The following WDR44 variants were observed in gnomAD, a reference collection of about 807,000 sequenced individuals.
The protein encoded by WDR44 is WD repeat domain 44.
In WDR44, 9 loss-of-function variants were observed where a neutral mutation model predicts 65.7. The observed-to-expected ratio is 0.14, with a 90% CI of 0.08 to 0.24. The LOEUF is 0.24. Ranked by LOEUF, WDR44 falls within the 10% of genes least tolerant of loss-of-function variation. The pLI is 1.00. For missense variants in WDR44, 425 were observed against 670.9 expected, an observed-to-expected ratio of 0.63 and a Z score of 4.05; for synonymous variants, 220 against 235.2, an observed-to-expected ratio of 0.94 and a Z score of 0.59.
At chrX:118,366,955 G>A (rs1456767311) in intron 1 of WDR44, among the ~76,000 whole-genome samples, 6 of 110,785 alleles carry the variant, frequency 5.4e-5, no homozygotes, top group Non-Finnish European at 9.5e-5. Flanking sequence ...GCGCAGTGGC[G>A]GGCGCCCGTA....
chrX:118,379,241 A>G (rs1336454252), intron 2 of WDR44, among the ~76,000 whole-genome samples: 1 of 111,174 alleles, frequency 9.0e-6, no homozygotes, highest in Non-Finnish European at 1.9e-5. Context: ...AAATGGAACT[A>G]TTTATATCAG....
chrX:118,429,131 T>C (rs766079407), intron 12 of WDR44, among the ~76,000 whole-genome samples: 5 of 110,738 alleles, frequency 4.5e-5, no homozygotes, highest in Non-Finnish European at 9.4e-5. Context: ...GGTTGATAAG[T>C]GCAGCAAACC....
chrX:118,409,889 TC>T (rs1395371936), intron 11 of WDR44, among the ~76,000 whole-genome samples: 1 of 112,280 alleles, frequency 8.9e-6, no homozygotes, highest in Non-Finnish European at 1.9e-5. Context: ...TTTGGTTTCC[TC>T]TGGCAACCTT....
intron 12 of WDR44, among the ~76,000 whole-genome samples, chrX:118,424,756 G>A (rs1222029201): frequency 9.0e-6 from 1 of 111,049 alleles, no homozygotes; most frequent in Non-Finnish European, 1.9e-5. Flanking sequence ...TTGGTGTGGT[G>A]TCATATCCAA....
At chrX:118,367,864 CTTTTAGGA>C (rs1281644359) in intron 1 of WDR44, among the ~76,000 whole-genome samples, 2 of 110,775 alleles carry the variant, frequency 1.8e-5, no homozygotes, top group Non-Finnish European at 3.8e-5. Context: ...TTTTAAAATC[CTTTTAGGA>C]TTTTGAAAAG....
rs2056834124 is a variant in WDR44 at position 118,393,091 on chromosome X, A to G, written c.646A>G (p.Arg216Gly). 1 of 1,212,184 alleles carries G rather than the reference A, an allele frequency of 8.2e-7. No individual in the cohort carries two copies. Among genetic ancestry groups the G allele is most frequent in the Non-Finnish European group, 1.1e-6 (1 of 895,608 alleles). The change falls in exon 4 of 20, where the codon AGA becomes GGA. Residue 216 changes from arginine (R) to glycine (G), a missense_variant. Physicochemically the swap from Arg to Gly is moderately radical, Grantham distance 125. Coordinates refer to ENST00000254029, the MANE Select transcript of WDR44 (RefSeq NM_019045.5). ...AGAAGTGGCCCCTGCCAAACCCCCAAGACACCTTACTCCAGAGCCTGATAT... is the reference window on the plus strand; with the variant it reads ...AGAAGTGGCCCCTGCCAAACCCCCAGGACACCTTACTCCAGAGCCTGATAT... ...VEEVAPAKPPRHLTPEPDIVA... is the reference protein window; with the variant it reads ...VEEVAPAKPPGHLTPEPDIVA...
chrX:118,413,734 C>T (rs1192860317), intron 12 of WDR44, among the ~76,000 whole-genome samples: 1 of 111,594 alleles, frequency 9.0e-6, no homozygotes, highest in African/African-American at 3.3e-5. Context: ...CTTTTGGGTT[C>T]CTGGTCATGA....
At chrX:118,430,055 T>C (rs748001349) in intron 12 of WDR44, among the ~76,000 whole-genome samples, 1 of 111,933 alleles carries the variant, frequency 8.9e-6, no homozygotes, top group African/African-American at 3.2e-5. Context: ...TTTCAAAGCA[T>C]GAAATACAGA....
Position 118,387,236 on chromosome X carries a change from T to C in WDR44, c.112-104T>C, listed in dbSNP as rs181153946. On this transcript the variant is annotated intron_variant, in intron 2 of 19. Transcript: ENST00000254029. The stretch of plus-strand genomic sequence containing the variant: ...AAGAAATCAAAGCCCTTTAAGGGCC[T>C]TTGATTTATTAATGCTACATTTTCT... The C allele has an allele frequency of 4.0e-4, 176 of 440,355 alleles. 2 individuals carry two copies. The African/African-American group carries it at 4.3e-3, about 11-fold the overall frequency. The allele number at this position is 440,355 out of a possible 1,213,427, so 36.3% of individuals were successfully genotyped here. A position where few individuals can be genotyped will look rare whatever the true frequency, so the allele number is the denominator to read the frequency against.
At chrX:118,398,981 T>A (rs1361119273) in intron 8 of WDR44, among the ~76,000 whole-genome samples, 1 of 112,170 alleles carries the variant, frequency 8.9e-6, no homozygotes, top group East Asian at 2.8e-4. Flanking sequence ...ATACTTGTGT[T>A]ATTTTTCTAC....
intron 12 of WDR44, among the ~76,000 whole-genome samples, chrX:118,431,997 G>A (rs896902461): frequency 9.0e-5 from 10 of 111,615 alleles, no homozygotes; most frequent in Non-Finnish European, 1.9e-4. Flanking sequence ...TAATGAATAC[G>A]AAAGCACGTT....
intron 3 of WDR44, among the ~76,000 whole-genome samples, chrX:118,388,902 T>A (rs1251394121): frequency 8.9e-6 from 1 of 112,202 alleles, no homozygotes; most frequent in Non-Finnish European, 1.9e-5. Flanking sequence ...TGCATCAGAT[T>A]CCATCAAGTA....
chrX:118,418,869 G>A (rs896671137), intron 12 of WDR44, among the ~76,000 whole-genome samples: 2 of 110,702 alleles, frequency 1.8e-5, no homozygotes, highest in Admixed American at 9.7e-5. Context: ...AGGCTGCTGT[G>A]GGGGATGGAT....
In WDR44 at chrX:118,393,291, TC is replaced by T. The variant is rs755142575; in HGVS notation, c.826+21del. 3.4e-6 allele frequency: 4 copies of T among 1,168,913 alleles called. No homozygotes were observed. In the South Asian group the frequency reaches 7.7e-5, roughly 23 times the overall value. ...TAGATGGCAAGTATTAATTGAGAAA[TC>T]ACTCTGTTGGTTGGGCACAGTGGCT... On this transcript the variant is annotated intron_variant, in intron 4 of 19. Coordinates refer to ENST00000254029, the MANE Select transcript of WDR44 (RefSeq NM_019045.5).
At chrX:118,398,532 A>G in intron 8 of WDR44, 62 bp downstream of exon 8, 3 of 943,615 alleles carry the variant, frequency 3.2e-6, no homozygotes, top group Non-Finnish European at 4.5e-6. Context: ...TATGAGAACT[A>G]CCATACTATT....
At chrX:118,370,879 G>C (rs768124930) in intron 1 of WDR44, among the ~76,000 whole-genome samples, 1 of 108,145 alleles carries the variant, frequency 9.2e-6, no homozygotes, top group East Asian at 2.9e-4. Context: ...ACCGTGCCCA[G>C]CCTAAACCTC....
chrX:118,393,547 G>A (rs996021128), intron 4 of WDR44, among the ~76,000 whole-genome samples: 3 of 108,713 alleles, frequency 2.8e-5, no homozygotes, highest in African/African-American at 6.7e-5. Flanking sequence ...AGCCAAGGTC[G>A]CGCCATTGCA....
intron 19 of WDR44, 88 bp from the exon 20 acceptor site, chrX:118,448,805 C>A (rs34131067): frequency 1.8e-6 from 1 of 542,289 alleles, no homozygotes; most frequent in Non-Finnish European, 2.9e-6. Context: ...TCCCCTGAAG[C>A]TGGAGGGTCA....
chrX:118,349,558 A>G (rs1166819573), intron 1 of WDR44, among the ~76,000 whole-genome samples: 1 of 93,871 alleles, frequency 1.1e-5, no homozygotes, highest in Non-Finnish European at 2.1e-5. Context: ...CATATGAGGA[A>G]CATTTTTTTT....
Sources: allele counts gnomAD v4.1 joint callset (sites outside exome capture counted in the v4.1 genomes callset), GRCh38; gene constraint gnomAD v4.1.1; transcripts MANE v1.5; gene names NCBI Gene and HGNC (gene_info 2026-07-23, HGNC 2026-07-21).